TRMT44: variants seen among roughly 807,000 people sequenced by gnomAD.
TRMT44 encodes probable tRNA (uracil-O(2)-)-methyltransferase.
Under a neutral mutation model 77.3 loss-of-function variants are expected in TRMT44, and 78 were observed. The ratio of observed to expected loss-of-function variants is 1.01; its 90% CI spans 0.84 to 1.22. The LOEUF is 1.22. Ranked by LOEUF, TRMT44 falls within the 50% of genes most tolerant of loss-of-function variation. The pLI is 0.00. For synonymous variants in TRMT44, 391 were observed against 383.3 expected, an observed-to-expected ratio of 1.02 and a Z score of -0.23; for missense variants, 1,090 against 964.4, an observed-to-expected ratio of 1.13 and a Z score of -1.73.
At chr4:8,476,802 G>A (rs1275176626), downstream of TRMT44, 4 of 152,204 alleles carry the variant, frequency 2.6e-5, no homozygotes, top group Non-Finnish European at 2.9e-5. Flanking sequence ...GGAGTGCAGT[G>A]GCAAGATCAT....
At position 8,441,371 on chromosome 4, in the gene TRMT44, C is replaced by T. The variant is rs915706507; in HGVS notation, c.549C>T (p.Leu183=). The change falls in exon 1 of 11, where the codon CTC becomes CTT. Residue 183 remains leucine (L), a synonymous_variant. Transcript: ENST00000389737. ...CGCAGCGTGAGCTCGACGTGGTTCT[C>T]AGAACCGTCATCCCGAAAACTAGCC... The part of the protein sequence containing the change: ...PEAQRELDVV[L]RTVIPKTSPH... 5.9e-6 allele frequency: 9 copies of T among 1,532,968 alleles called. No individual in the cohort carries two copies. In the Middle Eastern group the frequency reaches 5.0e-4, roughly 85 times the overall value. The allele number at this position is 1,532,968 out of a possible 1,614,324, so 95.0% of individuals were successfully genotyped here.
chr4:8,469,148 C>A (rs1374091625), intron 9 of TRMT44, among the ~76,000 whole-genome samples: 1 of 152,226 alleles, frequency 6.6e-6, no homozygotes. Context: ...ATCCTTTGTC[C>A]TCTTGTACCA....
At chr4:8,486,621 G>A (rs1268902872) in intron 2 of TRMT44, among the ~76,000 whole-genome samples, 1 of 151,976 alleles carries the variant, frequency 6.6e-6, no homozygotes, top group East Asian at 1.9e-4. Context: ...CGGGGTTGCT[G>A]CCAAACGAGC....
intron 1 of TRMT44, among the ~76,000 whole-genome samples, chr4:8,445,331 G>T (rs1409178490): frequency 6.6e-6 from 1 of 152,202 alleles, no homozygotes; most frequent in Non-Finnish European, 1.5e-5. Flanking sequence ...TGGAAAGAAT[G>T]ATGCATTGTG....
At chr4:8,471,050 G>A in intron 9 of TRMT44, 34 bp from the exon 10 acceptor site, 1 of 1,484,342 alleles carries the variant, frequency 6.7e-7, no homozygotes, top group Admixed American at 2.0e-5. Context: ...TTTTGCTGTT[G>A]TTTTGGGGAA....
downstream of TRMT44, among the ~76,000 whole-genome samples, chr4:8,480,278 G>T (rs1727571549): frequency 6.6e-6 from 1 of 152,196 alleles, no homozygotes; most frequent in African/African-American, 2.4e-5. Flanking sequence ...ACACTTGGAA[G>T]AGACCCAAGC....
intron 2 of TRMT44, among the ~76,000 whole-genome samples, chr4:8,491,924 C>T (rs2631757): frequency 0.34 from 52,498 of 152,204 alleles, 9,892 homozygotes; most frequent in South Asian, 0.46. Context: ...AGAGGAGGCA[C>T]TGAGAGCGAG....
intron 2 of TRMT44, among the ~76,000 whole-genome samples, chr4:8,485,040 A>T (rs1727760440): frequency 6.6e-6 from 1 of 152,238 alleles, no homozygotes; most frequent in African/African-American, 2.4e-5. Flanking sequence ...GGGGCTACAA[A>T]GAAGGTCATC....
the TRMT44 span, chr4:8,510,118 G>A: frequency 6.6e-6 from 1 of 152,556 alleles, no homozygotes; most frequent in African/African-American, 2.4e-5. Context: ...AAATCACCAG[G>A]ACCTCAGCAG....
At chr4:8,516,170 G>A in the TRMT44 span, among the ~76,000 whole-genome samples, 1 of 152,118 alleles carries the variant, frequency 6.6e-6, no homozygotes, top group Non-Finnish European at 1.5e-5. Context: ...GGGTGGCCAC[G>A]CTCCAACCCA....
chr4:8,492,381 G>A (rs552039714), intron 2 of TRMT44, among the ~76,000 whole-genome samples: 3 of 152,210 alleles, frequency 2.0e-5, no homozygotes, highest in Admixed American at 1.3e-4. Flanking sequence ...TGCTGAAACC[G>A]CCTCTGCAAA....
Position 8,441,330 on chromosome 4 carries a change from G to C in TRMT44, c.508G>C (p.Gly170Arg), listed in dbSNP as rs1334300928. The change falls in exon 1 of 11, where the codon GGA (glycine) becomes CGA (arginine). Residue 170 changes from glycine to arginine, a missense_variant. Physicochemically the swap from Gly to Arg is moderately radical, Grantham distance 125. Coordinates refer to ENST00000389737, the MANE Select transcript of TRMT44 (RefSeq NM_152544.3). ...GGCCTTCCTCACCAGCTCCGGGGCG[G>C]GATCGCAGCCAGAGGCGCAGCGTGA... is the stretch of plus-strand genomic sequence containing the variant. ...LLAFLTSSGAGSQPEAQRELD... is the reference protein window; with the variant it reads ...LLAFLTSSGARSQPEAQRELD... 6.5e-7 allele frequency: 1 copy of C among 1,535,510 alleles called. No individual in the cohort carries two copies. The highest frequency in any genetic ancestry group is 8.7e-7 in the Non-Finnish European group (1 of 1,146,604).
the TRMT44 span, among the ~76,000 whole-genome samples, chr4:8,505,536 A>G: frequency 6.6e-6 from 1 of 152,106 alleles, no homozygotes; most frequent in Non-Finnish European, 1.5e-5. Context: ...GGCATGAGTC[A>G]CGCCCTGTGG....
chr4:8,474,824 C>T (rs1023098458), intron 10 of TRMT44, among the ~76,000 whole-genome samples: 2 of 152,122 alleles, frequency 1.3e-5, no homozygotes, highest in Admixed American at 6.5e-5. Context: ...GGGGGTATCT[C>T]GGCCCAATTT....
At chr4:8,473,047 A>G (rs1257577434) in intron 10 of TRMT44, among the ~76,000 whole-genome samples, 2 of 152,224 alleles carry the variant, frequency 1.3e-5, no homozygotes, top group Admixed American at 6.5e-5. Context: ...TGGGTTCCAA[A>G]TAAACATTCT....
downstream of TRMT44, among the ~76,000 whole-genome samples, chr4:8,496,580 C>T (rs916502191): frequency 6.6e-6 from 1 of 152,176 alleles, no homozygotes; most frequent in Non-Finnish European, 1.5e-5. Context: ...CCAGAGGCAG[C>T]TCCTCTAAAT....
At position 8,441,112 on chromosome 4, in the gene TRMT44, G is replaced by A; in HGVS notation, c.290G>A (p.Cys97Tyr). The stretch of plus-strand genomic sequence containing the variant: ...TCAGGACCCGAGCAGGGCACGGCAT[G>A]TTGCGAACTTGAGGAGGCCCAGGGC... ...SLSGPEQGTA[C>Y]CELEEAQGQC... is the part of the protein sequence containing the mutation. The change falls in exon 1 of 11, where the codon TGT becomes TAT. Residue 97 changes from cysteine (C) to tyrosine (Y), a missense_variant. Transcript: ENST00000389737. 1 of 1,517,106 alleles carries A rather than the reference G, an allele frequency of 6.6e-7. No individual in the cohort carries two copies. The highest frequency in any genetic ancestry group is 8.8e-7 in the Non-Finnish European group (1 of 1,135,368). 94.0% of individuals were successfully genotyped at this position (1,517,106 alleles called of 1,614,324 possible). A position where few individuals can be genotyped will look rare whatever the true frequency, so the allele number is the denominator to read the frequency against.
At chr4:8,466,194 CAG>C (rs1488917576) in intron 8 of TRMT44, among the ~76,000 whole-genome samples, 2 of 152,352 alleles carry the variant, frequency 1.3e-5, no homozygotes, top group East Asian at 3.9e-4. Flanking sequence ...CTGTGGCTGG[CAG>C]ACAGTGTGCT....
In TRMT44 at chr4:8,446,403, A is replaced by G. The variant is rs973879689; in HGVS notation, c.620-73A>G. ...AAAGCATCGTGCTTGACTCATCCCTATTTTTAATACTGCTTCTGATGAGAC... is the reference window on the plus strand; with the variant it reads ...AAAGCATCGTGCTTGACTCATCCCTGTTTTTAATACTGCTTCTGATGAGAC... On this transcript the variant is annotated intron_variant, in intron 1 of 10. Transcript: ENST00000389737. This position sits in a 1 kb window ranked among gnomAD's most constrained non-coding sequence, Gnocchi z 4.3. 4.1e-6 allele frequency: 4 copies of G among 984,678 alleles called. No individual in the cohort carries two copies. Among genetic ancestry groups the G allele is most frequent in the African/African-American group, 3.2e-5 (2 of 62,042 alleles). 61.0% of individuals were successfully genotyped at this position (984,678 alleles called of 1,614,324 possible). A position where few individuals can be genotyped will look rare whatever the true frequency, so the allele number is the denominator to read the frequency against.
Sources: gnomAD v4.1 joint callset for allele counts (sites outside exome capture counted in the v4.1 genomes callset) on GRCh38, gnomAD v4.1.1 for gene constraint, Gnocchi (gnomAD v3.1) non-coding constraint, MANE v1.5 for transcripts, NCBI Gene and HGNC (gene_info 2026-07-23, HGNC 2026-07-21) for gene names.